The following KAT6B variants were observed in gnomAD, a reference collection of about 807,000 sequenced individuals.
KAT6B encodes lysine acetyltransferase 6B.
Under a neutral mutation model 187.5 loss-of-function variants are expected in KAT6B, and 10 were observed. The ratio of observed to expected loss-of-function variants is 0.05; its 90% CI spans 0.03 to 0.09. The LOEUF (loss-of-function observed/expected upper bound fraction) is 0.09, where lower values mean the gene tolerates loss of function less well. Among genes scored for constraint, KAT6B ranks in the 10% least tolerant of loss-of-function variants. KAT6B has a pLI of 1.00. For synonymous variants in KAT6B, 861 were observed against 926.8 expected (o/e 0.93, Z 1.29); for missense variants, 1,952 against 2,558.9 (o/e 0.76, Z 5.12).
intron 3 of KAT6B, among the ~76,000 whole-genome samples, chr10:74,880,659 G>A (rs567901254): frequency 1.3e-5 from 2 of 152,206 alleles, no homozygotes; most frequent in Non-Finnish European, 2.9e-5. Flanking sequence ...TCTGTCGCCT[G>A]GGCTGAAGTG....
At chr10:74,837,174 T>G (rs1343279775) in intron 1 of KAT6B, among the ~76,000 whole-genome samples, 1 of 152,218 alleles carries the variant, frequency 6.6e-6, no homozygotes, top group Non-Finnish European at 1.5e-5. Flanking sequence ...GTAATACCAG[T>G]GAAGCTAAAA....
At chr10:74,950,379 G>A (rs944820592) in intron 3 of KAT6B, among the ~76,000 whole-genome samples, 1 of 152,248 alleles carries the variant, frequency 6.6e-6, no homozygotes, top group African/African-American at 2.4e-5. Flanking sequence ...CCTCCCTGCA[G>A]AGGAATGGCT....
At chr10:74,961,572 A>G (rs149753432) in intron 4 of KAT6B, among the ~76,000 whole-genome samples, 1 of 152,174 alleles carries the variant, frequency 6.6e-6, no homozygotes, top group Non-Finnish European at 1.5e-5. Flanking sequence ...GTTCGAGATC[A>G]TTATCTTCTA....
At chr10:75,013,285 G>A (rs1844741851) in intron 13 of KAT6B, among the ~76,000 whole-genome samples, 1 of 152,170 alleles carries the variant, frequency 6.6e-6, no homozygotes, top group Admixed American at 6.5e-5. Flanking sequence ...AGGGGCCAAA[G>A]GGAATTTGGG....
chr10:74,953,140 C>T lies in KAT6B; in HGVS notation c.622-6830C>T, dbSNP rs1056044945. ...AAATAGTTGCAGGCCTTTTGGCTCT[C>T]AGTGGAGGCATTTTCTACTCTGTTC... On this transcript the variant is annotated intron_variant, in intron 3 of 17. Coordinates refer to ENST00000287239, the MANE Select transcript of KAT6B (RefSeq NM_012330.4). 2.6e-5 allele frequency among the ~76,000 whole-genome samples: 4 copies of T among 151,786 alleles called. No individual in the cohort carries two copies. The South Asian group carries it at 8.3e-4, about 32-fold the overall frequency.
chr10:74,848,878 T>C (rs1460246450), intron 3 of KAT6B, among the ~76,000 whole-genome samples: 2 of 152,246 alleles, frequency 1.3e-5, no homozygotes, highest in African/African-American at 4.8e-5. Context: ...ATCATTGTTC[T>C]TGATGTGCTT....
At chr10:74,873,666 G>C (rs1440272788) in intron 3 of KAT6B, among the ~76,000 whole-genome samples, 1 of 152,092 alleles carries the variant, frequency 6.6e-6, no homozygotes, top group Admixed American at 6.6e-5. Context: ...ATATTTAACA[G>C]AACTTGCTCA....
intron 11 of KAT6B, 21 bp from the exon 12 acceptor site, chr10:74,985,059 T>G: frequency 1.2e-6 from 2 of 1,608,686 alleles, no homozygotes; most frequent in Non-Finnish European, 1.7e-6. Flanking sequence ...TTAAATAATG[T>G]TGTCTGTTTC....
At chr10:74,834,462 C>T (rs1300609319) in intron 1 of KAT6B, among the ~76,000 whole-genome samples, 2 of 152,184 alleles carry the variant, frequency 1.3e-5, no homozygotes, top group Admixed American at 6.5e-5. Context: ...TCCCAAAGTG[C>T]TAGGATTACA....
intron 3 of KAT6B, among the ~76,000 whole-genome samples, chr10:74,894,435 A>T (rs1564547740): frequency 6.6e-6 from 1 of 152,212 alleles, no homozygotes; most frequent in Non-Finnish European, 1.5e-5. Context: ...ACCACATAAC[A>T]TTAAATTTAC....
chr10:74,990,011 A>G (rs574017172), intron 13 of KAT6B, among the ~76,000 whole-genome samples: 4 of 152,114 alleles, frequency 2.6e-5, no homozygotes, highest in Admixed American at 2.6e-4. Context: ...CCTGGCCAAC[A>G]TGGTGAACCC....
intron 3 of KAT6B, among the ~76,000 whole-genome samples, chr10:74,908,792 C>T (rs1198990912): frequency 1.3e-5 from 2 of 151,990 alleles, no homozygotes; most frequent in East Asian, 3.9e-4. Flanking sequence ...GATATAAGTT[C>T]TTCGTTCCTT....
chr10:74,965,217 G>A (rs1287298254), intron 4 of KAT6B, among the ~76,000 whole-genome samples: 1 of 152,040 alleles, frequency 6.6e-6, no homozygotes, highest in African/African-American at 2.4e-5. Context: ...GATATACCTC[G>A]TTCATCTCTC....
chr10:74,883,247 C>T (rs1051891707), intron 3 of KAT6B, among the ~76,000 whole-genome samples: 9 of 152,288 alleles, frequency 5.9e-5, no homozygotes, highest in Admixed American at 3.3e-4. Flanking sequence ...TACGGTTCTG[C>T]TTGCCGCTGT....
intron 9 of KAT6B, 68 bp from the exon 10 acceptor site, chr10:74,979,156 C>G (rs1842350937): frequency 1.9e-6 from 2 of 1,071,654 alleles, no homozygotes; most frequent in Non-Finnish European, 2.8e-6. Context: ...TTGATAGTCA[C>G]TGGTGAAAGA....
chr10:74,993,412 C>G (rs1843232540), intron 13 of KAT6B, among the ~76,000 whole-genome samples: 1 of 152,202 alleles, frequency 6.6e-6, no homozygotes, highest in Non-Finnish European at 1.5e-5. Flanking sequence ...TTTCTCTTCT[C>G]TCTCATATTT....
chr10:74,934,033 A>T (rs1589654664), intron 3 of KAT6B, among the ~76,000 whole-genome samples: 1 of 152,144 alleles, frequency 6.6e-6, no homozygotes, highest in East Asian at 1.9e-4. Flanking sequence ...AAAAAATAGA[A>T]AAATTAGCTG....
intron 14 of KAT6B, 105 bp downstream of exon 14, chr10:75,020,918 AC>A: frequency 1.9e-6 from 2 of 1,048,902 alleles, no homozygotes; most frequent in Non-Finnish European, 2.9e-6. Context: ...AGGTTCCCTA[AC>A]AGTATTATCA....
At chr10:74,945,683 C>T (rs951106497) in intron 3 of KAT6B, among the ~76,000 whole-genome samples, 3 of 152,108 alleles carry the variant, frequency 2.0e-5, no homozygotes, top group Non-Finnish European at 4.4e-5. Flanking sequence ...CTCCTGAGCT[C>T]AAGTGATCCG....
Sources: allele counts gnomAD v4.1 joint callset (sites outside exome capture counted in the v4.1 genomes callset), GRCh38; gene constraint gnomAD v4.1.1; transcripts MANE v1.5; gene names NCBI Gene and HGNC (gene_info 2026-07-23, HGNC 2026-07-21).